The following OPCML variants were observed in gnomAD, a reference collection of about 807,000 sequenced individuals.
OPCML encodes the protein opioid-binding protein/cell adhesion molecule.
OPCML carries 13 observed loss-of-function variants against 37.8 expected under a neutral mutation model. The ratio of observed to expected loss-of-function variants is 0.34; its 90% confidence interval spans 0.22 to 0.55. The LOEUF (loss-of-function observed/expected upper bound fraction) is 0.55, where lower values mean the gene tolerates loss of function less well. OPCML is among the 20% of genes least tolerant of loss of function. OPCML has a pLI of 0.91. For synonymous variants in OPCML, 176 were observed against 168.8 expected, an observed-to-expected ratio of 1.04 and a Z score of -0.33; for missense variants, 341 against 435.6, an observed-to-expected ratio of 0.78 and a Z score of 1.93.
intron 1 of OPCML, among the ~76,000 whole-genome samples, chr11:133,290,712 A>T (rs1004509896): frequency 1.1e-4 from 17 of 152,362 alleles, no homozygotes; most frequent in African/African-American, 4.1e-4. Context: ...AGCCCATTCC[A>T]TGGAGTACAT....
intron 1 of OPCML, among the ~76,000 whole-genome samples, chr11:133,259,205 GT>G (rs1203986323): frequency 2.0e-5 from 3 of 152,080 alleles, no homozygotes; most frequent in Non-Finnish European, 4.4e-5. Context: ...GAAGAGTGTT[GT>G]TTTGTTTTTA....
chr11:132,921,914 C>G (rs931017535), intron 2 of OPCML, among the ~76,000 whole-genome samples: 33 of 152,008 alleles, frequency 2.2e-4, no homozygotes, highest in African/African-American at 7.7e-4. Flanking sequence ...GAGTCTCGCT[C>G]TATCACCCAG....
intron 2 of OPCML, among the ~76,000 whole-genome samples, chr11:132,671,929 C>T (rs935600440): frequency 6.6e-6 from 1 of 152,196 alleles, no homozygotes; most frequent in Non-Finnish European, 1.5e-5. Context: ...ACAGCCAATA[C>T]ACCACCTTAA....
chr11:132,927,302 G>T (rs1945028458), intron 2 of OPCML, among the ~76,000 whole-genome samples: 1 of 152,078 alleles, frequency 6.6e-6, no homozygotes, highest in Admixed American at 6.5e-5. Flanking sequence ...AAAGTAGCAA[G>T]AAACTAATTT....
chr11:133,279,191 A>C (rs1942072643), intron 1 of OPCML, among the ~76,000 whole-genome samples: 1 of 152,206 alleles, frequency 6.6e-6, no homozygotes, highest in Non-Finnish European at 1.5e-5. Flanking sequence ...CCTTGAATGC[A>C]TTCACACAGA....
chr11:132,429,925 G>A (rs534258812), intron 7 of OPCML, among the ~76,000 whole-genome samples: 19 of 152,184 alleles, frequency 1.2e-4, no homozygotes, highest in Non-Finnish European at 2.4e-4. Flanking sequence ...GGCAGGTGCC[G>A]GAGGAGCTAG....
At chr11:132,708,892 G>C (rs571504698) in intron 2 of OPCML, among the ~76,000 whole-genome samples, 4 of 152,280 alleles carry the variant, frequency 2.6e-5, no homozygotes, top group Admixed American at 2.6e-4. Context: ...ATGATTTCTT[G>C]TTAAAGAATG....
At chr11:132,852,018 A>C (rs1415578365) in intron 2 of OPCML, among the ~76,000 whole-genome samples, 5 of 152,238 alleles carry the variant, frequency 3.3e-5, no homozygotes, top group Admixed American at 6.5e-5. Flanking sequence ...TCTTCCTGGA[A>C]GCAGGAGCTG....
chr11:133,194,289 C>A (rs1213600883), intron 1 of OPCML, among the ~76,000 whole-genome samples: 1 of 148,576 alleles, frequency 6.7e-6, no homozygotes, highest in Admixed American at 6.8e-5. Context: ...CGGCTCACTG[C>A]AACCTCCGCC....
Position 133,138,960 on chromosome 11 carries a change from C to G in OPCML, c.62-195950G>C, listed in dbSNP as rs551290514. On this transcript the variant is annotated intron_variant, in intron 1 of 7. Transcript: ENST00000524381. The stretch of plus-strand genomic sequence containing the variant: ...TGAACCTCCTACCCAGCTGAATGAA[C>G]AGACTTAGAATACTAAAATACTAAG... 2.6e-4 allele frequency among the ~76,000 whole-genome samples: 40 copies of G among 152,302 alleles called. No homozygotes were observed. In the South Asian group the frequency reaches 8.1e-3, roughly 31 times the overall value.
At chr11:133,324,300 A>G (rs1943401716) in intron 1 of OPCML, among the ~76,000 whole-genome samples, 1 of 152,164 alleles carries the variant, frequency 6.6e-6, no homozygotes, top group Non-Finnish European at 1.5e-5. Flanking sequence ...GATTGTCTCC[A>G]CCTTGCTCAA....
chr11:132,484,269 A>G (rs1042689366), intron 4 of OPCML, among the ~76,000 whole-genome samples: 3 of 152,244 alleles, frequency 2.0e-5, no homozygotes, highest in Non-Finnish European at 2.9e-5. Context: ...ACATGAACAG[A>G]CACTTCTCAA....
intron 3 of OPCML, among the ~76,000 whole-genome samples, chr11:132,649,706 A>C (rs1941329983): frequency 6.6e-6 from 1 of 152,146 alleles, no homozygotes; most frequent in South Asian, 2.1e-4. Context: ...TCAAACATTG[A>C]ACATGTATAT....
At chr11:132,904,361 AT>A (rs1170562574) in intron 2 of OPCML, among the ~76,000 whole-genome samples, 1 of 152,202 alleles carries the variant, frequency 6.6e-6, no homozygotes, top group Non-Finnish European at 1.5e-5. Context: ...TAATAAAAAA[AT>A]CTAAATAACA....
intron 4 of OPCML, among the ~76,000 whole-genome samples, chr11:132,496,609 C>G (rs770495220): frequency 2.6e-5 from 4 of 152,202 alleles, no homozygotes; most frequent in Non-Finnish European, 5.9e-5. Context: ...AAATCTGATT[C>G]TGACAGAGCT....
intron 1 of OPCML, among the ~76,000 whole-genome samples, chr11:133,061,792 A>T (rs1183751218): frequency 6.6e-6 from 1 of 152,088 alleles, no homozygotes. Context: ...CTTCTTTCAA[A>T]AACTTTTCCG....
intron 1 of OPCML, among the ~76,000 whole-genome samples, chr11:133,116,676 A>G (rs1353386785): frequency 1.3e-5 from 2 of 152,082 alleles, no homozygotes; most frequent in Non-Finnish European, 2.9e-5. Context: ...GGTTTGTTCC[A>G]TTACTGGTGA....
At chr11:133,122,444 T>C (rs776965877) in intron 1 of OPCML, among the ~76,000 whole-genome samples, 13 of 152,120 alleles carry the variant, frequency 8.5e-5, no homozygotes, top group Non-Finnish European at 1.0e-4. Flanking sequence ...GATCTCTAGT[T>C]CCAAAACGTG....
chr11:132,542,041 C>T (rs1288458965), intron 3 of OPCML, among the ~76,000 whole-genome samples: 1 of 152,186 alleles, frequency 6.6e-6, no homozygotes, highest in African/African-American at 2.4e-5. Context: ...GCTTTAATTC[C>T]TAGACCTGTC....
Sources: gnomAD v4.1 joint callset for allele counts (sites outside exome capture counted in the v4.1 genomes callset) on GRCh38, gnomAD v4.1.1 for gene constraint, MANE v1.5 for transcripts, NCBI Gene and HGNC (gene_info 2026-07-23, HGNC 2026-07-21) for gene names.